The following OSBPL9 variants were observed in gnomAD, a reference collection of about 807,000 sequenced individuals.
The protein encoded by OSBPL9 is oxysterol-binding protein-related protein 9.
Under a neutral mutation model 106.6 loss-of-function variants are expected in OSBPL9, and 40 were observed. The observed-to-expected ratio is 0.38, with a 90% CI of 0.29 to 0.49. OSBPL9 has a LOEUF of 0.49. OSBPL9 is among the 20% of genes least tolerant of loss of function. OSBPL9 has a pLI of 0.97. For synonymous variants in OSBPL9, 269 were observed against 295.4 expected (o/e 0.91, Z 0.92); for missense variants, 609 against 887.2 (o/e 0.69, Z 3.98).
chr1:51,707,255 C>T, intron 3 of OSBPL9: 1 of 260,516 alleles, frequency 3.8e-6, no homozygotes, highest in Non-Finnish European at 8.1e-6. Flanking sequence ...CAGTGGTGGC[C>T]CCATCATGGA....
intron 13 of OSBPL9, 77 bp downstream of exon 13, chr1:51,772,259 C>T: frequency 8.0e-7 from 1 of 1,244,424 alleles, no homozygotes; most frequent in Non-Finnish European, 1.1e-6. Context: ...ATGCCGTAAT[C>T]CCAGCACTTT....
chr1:51,772,549 A>G (rs1001818431), intron 13 of OSBPL9, 56 bp from the exon 14 acceptor site: 2 of 1,298,598 alleles, frequency 1.5e-6, no homozygotes, highest in African/African-American at 1.5e-5. Context: ...TAATTCTAGT[A>G]TCAGGACAGA....
chr1:51,663,841 CTATTTCA>C (rs1647753039), intron 2 of OSBPL9, among the ~76,000 whole-genome samples: 2 of 152,154 alleles, frequency 1.3e-5, no homozygotes, highest in Admixed American at 1.3e-4. Flanking sequence ...GAAACTTAAA[CTATTTCA>C]CAAAAGAGGA....
chr1:51,743,596 C>A (rs752316799), intron 4 of OSBPL9, among the ~76,000 whole-genome samples: 4 of 151,972 alleles, frequency 2.6e-5, no homozygotes, highest in Admixed American at 1.3e-4. Flanking sequence ...TTTTTTTATT[C>A]ATTTATGAAT....
chr1:51,676,072 A>G (rs529130837), intron 3 of OSBPL9, among the ~76,000 whole-genome samples: 1 of 152,334 alleles, frequency 6.6e-6, no homozygotes, highest in Admixed American at 6.5e-5. Context: ...AACACAAACA[A>G]TTGTACCCTA....
chr1:51,745,639 A>G lies in OSBPL9; in HGVS notation c.414+8A>G. ...TTGATTGAACAATTAAAGGTATGGC[A>G]TTAGTTTGTATATTAAATTTATATA... is the stretch of plus-strand genomic sequence containing the variant. On this transcript the variant is annotated splice_region_variant and intron_variant, in intron 5 of 23. Coordinates refer to ENST00000428468, the MANE Select transcript of OSBPL9 (RefSeq NM_024586.6). 1 of 1,527,938 alleles carries G rather than the reference A, an allele frequency of 6.5e-7. No homozygotes were observed. 94.6% of individuals were successfully genotyped at this position (1,527,938 alleles called of 1,614,324 possible). A position where few individuals can be genotyped will look rare whatever the true frequency, so the allele number is the denominator to read the frequency against.
rs779999102 is a variant in OSBPL9 at position 51,784,284 on chromosome 1, T to C, written c.1645T>C (p.Tyr549His). The change falls in exon 19 of 24, where the codon TAT (tyrosine) becomes CAT (histidine). Residue 549 changes from tyrosine (Y) to histidine (H), a missense_variant. Tyr to His is a moderately conservative substitution (Grantham distance 83, BLOSUM62 2). Transcript: ENST00000428468. Reference protein sequence around the residue: ...IGQGCVSCLDYDEHYILTFPN... With the variant: ...IGQGCVSCLDHDEHYILTFPN... The stretch of plus-strand genomic sequence containing the variant: ...CACAGGCTGTGTCTCATGTCTAGAC[T>C]ATGATGAACATTACATTCTCACATT... 6.2e-7 allele frequency: 1 copy of C among 1,613,884 alleles called. No homozygotes were observed. The highest frequency in any genetic ancestry group is 8.5e-7 in the Non-Finnish European group (1 of 1,179,742).
At chr1:51,665,946 G>A (rs574783165) in intron 2 of OSBPL9, among the ~76,000 whole-genome samples, 185 of 151,944 alleles carry the variant, frequency 1.2e-3, no homozygotes, top group African/African-American at 4.3e-3. Context: ...TCTCTGCCTT[G>A]AAGTGATTCT....
intron 11 of OSBPL9, among the ~76,000 whole-genome samples, chr1:51,764,126 C>T (rs996221659): frequency 6.6e-6 from 1 of 151,950 alleles, no homozygotes; most frequent in Non-Finnish European, 1.5e-5. Flanking sequence ...TTTTCTTTCC[C>T]TTACTTCTCT....
chr1:51,570,701 C>T, the OSBPL9 span, among the ~76,000 whole-genome samples: 12 of 152,330 alleles, frequency 7.9e-5, no homozygotes, highest in Admixed American at 2.0e-4. Flanking sequence ...ATCAGCAAAA[C>T]GTGGAGAATT....
At chr1:51,734,635 A>T (rs569209076) in intron 4 of OSBPL9, among the ~76,000 whole-genome samples, 1 of 152,216 alleles carries the variant, frequency 6.6e-6, no homozygotes, top group Non-Finnish European at 1.5e-5. Context: ...TTCAAATTCT[A>T]ATTCCATTTC....
intron 3 of OSBPL9, among the ~76,000 whole-genome samples, chr1:51,682,481 C>T (rs1652778492): frequency 6.6e-6 from 1 of 151,888 alleles, no homozygotes; most frequent in Non-Finnish European, 1.5e-5. Flanking sequence ...AATGTGTGGC[C>T]GGGTGCGGTG....
the OSBPL9 span, among the ~76,000 whole-genome samples, chr1:51,523,112 A>G: frequency 6.6e-6 from 1 of 152,148 alleles, no homozygotes; most frequent in Non-Finnish European, 1.5e-5. Flanking sequence ...AATCAATCAA[A>G]TAAAAATAAA....
At chr1:51,632,667 G>A (rs1363958663) in intron 1 of OSBPL9, among the ~76,000 whole-genome samples, 2 of 120,410 alleles carry the variant, frequency 1.7e-5, no homozygotes, top group Non-Finnish European at 3.7e-5. Flanking sequence ...GATGGGGGGA[G>A]AAGTGGCGGG....
At chr1:51,586,975 C>T (rs1645250776) in intron 1 of OSBPL9, among the ~76,000 whole-genome samples, 1 of 152,164 alleles carries the variant, frequency 6.6e-6, no homozygotes, top group Admixed American at 6.5e-5. Context: ...GATAGGACAG[C>T]CCATCCTAGC....
chr1:51,730,115 GC>G (rs975613838), intron 4 of OSBPL9: 3 of 1,249,288 alleles, frequency 2.4e-6, no homozygotes, highest in Non-Finnish European at 3.0e-6. Flanking sequence ...CCTTCCCGCC[GC>G]CCCCTGGGGT....
At chr1:51,715,233 G>A (rs896843168) in intron 4 of OSBPL9, among the ~76,000 whole-genome samples, 2 of 152,140 alleles carry the variant, frequency 1.3e-5, no homozygotes, top group Admixed American at 1.3e-4. Flanking sequence ...ATTATTAAAG[G>A]ATGTGGTTAT....
the OSBPL9 span, among the ~76,000 whole-genome samples, chr1:51,528,708 CA>C: frequency 6.6e-6 from 1 of 151,578 alleles, no homozygotes; most frequent in Non-Finnish European, 1.5e-5. Context: ...CCTGTCTCTG[CA>C]AAAAAATGCA....
chr1:51,738,528 C>G (rs1486078813), intron 4 of OSBPL9, among the ~76,000 whole-genome samples: 1 of 151,786 alleles, frequency 6.6e-6, no homozygotes, highest in African/African-American at 2.4e-5. Context: ...TACAGTTTAC[C>G]TTTTGTGGTT....
Sources: gnomAD v4.1 joint callset for allele counts (sites outside exome capture counted in the v4.1 genomes callset) on GRCh38, gnomAD v4.1.1 for gene constraint, MANE v1.5 for transcripts, NCBI Gene and HGNC (gene_info 2026-07-23, HGNC 2026-07-21) for gene names.